Variants in WSB1 observed in about 807,000 individuals in gnomAD.
WSB1 encodes WD repeat and SOCS box-containing protein 1.
A neutral mutation model predicts 50.2 loss-of-function variants in WSB1; 23 were observed. The observed-to-expected ratio is 0.46, with a 90% confidence interval of 0.33 to 0.65. WSB1 has a LOEUF of 0.65. WSB1 is among the 30% of genes least tolerant of loss of function. WSB1 has a pLI of 0.02. For synonymous variants in WSB1, 179 were observed against 172.0 expected (o/e 1.04, Z -0.32); for missense variants, 492 against 522.3 (o/e 0.94, Z 0.56).
chr17:27,308,229 A>C, intron 5 of WSB1: 1 of 986,296 alleles, frequency 1.0e-6, no homozygotes, highest in Non-Finnish European at 1.2e-6. Flanking sequence ...ACCAAAAAGG[A>C]TTGCTTTACT....
In WSB1 at chr17:27,302,853, G is replaced by GT. The variant is rs540711391; in HGVS notation, c.210-506dup. ...CATGTGCTATATTGGATCTTTCCCT[G>GT]TTTTTTTTGTGTCTAGCAGACCTTC... is the stretch of plus-strand genomic sequence containing the variant. On this transcript the variant is annotated intron_variant, in intron 2 of 8. Transcript: ENST00000262394. 8.7e-3 allele frequency: 1,328 copies of GT among 152,664 alleles called. 5 individuals carry two copies. The highest frequency in any genetic ancestry group is 0.01 in the Non-Finnish European group (719 of 68,540). The allele number at this position is 152,664 out of a possible 1,614,324, so 9.5% of individuals were successfully genotyped here. A position where few individuals can be genotyped will look rare whatever the true frequency, so the allele number is the denominator to read the frequency against.
chr17:27,307,647 T>C (rs1408050138), intron 5 of WSB1: 6 of 1,245,120 alleles, frequency 4.8e-6, no homozygotes, highest in Non-Finnish European at 6.7e-6. Flanking sequence ...ATACTCAGTT[T>C]AGTTCTTTAC....
At chr17:27,299,248 C>T (rs1051503282) in intron 1 of WSB1, among the ~76,000 whole-genome samples, 1 of 152,170 alleles carries the variant, frequency 6.6e-6, no homozygotes, top group African/African-American at 2.4e-5. Flanking sequence ...ATGTGGCTCA[C>T]ATCTGTAATC....
intron 1 of WSB1, among the ~76,000 whole-genome samples, chr17:27,298,222 T>A (rs1296794222): frequency 6.6e-6 from 1 of 151,776 alleles, no homozygotes; most frequent in Non-Finnish European, 1.5e-5. Context: ...ATTTACTAGA[T>A]GTTCTTGAAA....
intron 1 of WSB1, 133 bp downstream of exon 1, chr17:27,294,568 G>T: frequency 7.7e-7 from 1 of 1,305,548 alleles, no homozygotes; most frequent in Non-Finnish European, 1.1e-6. Context: ...CACTAGCGAG[G>T]AGGAGGAAGC....
Position 27,315,172 on chromosome 17 carries a change from CGTT to C in WSB1, c.*2805_*2807del, listed in dbSNP as rs2017807274. 2 of 152,126 alleles carry C rather than the reference CGTT, an allele frequency of 1.3e-5. No individual in the cohort carries two copies. The highest frequency in any genetic ancestry group is 6.6e-5 in the Admixed American group (1 of 15,264). The allele number at this position is 152,126 out of a possible 1,614,324, so 9.4% of individuals were successfully genotyped here. On this transcript the variant is annotated 3_prime_UTR_variant, in exon 9 of 9. Transcript: ENST00000262394. The stretch of plus-strand genomic sequence containing the variant: ...AAGGACCAAAGGAAAATAGGGAAGA[CGTT>C]GATTATGGACTTGGATCAGATTCTA...
intron 5 of WSB1, chr17:27,307,107 A>C: frequency 1.9e-6 from 1 of 513,718 alleles, no homozygotes; most frequent in Non-Finnish European, 3.4e-6. Context: ...AATAATGGGC[A>C]TATCAGGGTT....
chr17:27,302,658 T>A lies in WSB1; in HGVS notation c.209+702T>A, dbSNP rs577261395. The A allele has an allele frequency of 2.0e-5, 3 of 152,134 alleles. No homozygotes were observed. In the East Asian group the frequency reaches 5.8e-4, roughly 29 times the overall value. 9.4% of individuals were successfully genotyped at this position (152,134 alleles called of 1,614,324 possible). On this transcript the variant is annotated intron_variant, in intron 2 of 8. Coordinates refer to ENST00000262394, the MANE Select transcript of WSB1 (RefSeq NM_015626.10). The stretch of plus-strand genomic sequence containing the variant: ...CAGGCTGGTCTCGAACTCCTGACTT[T>A]AGGTGATCCACCCTCCTCAGCCTCC...
intron 5 of WSB1, chr17:27,308,587 T>G (rs2017550872): frequency 1.0e-6 from 1 of 985,820 alleles, no homozygotes; most frequent in Non-Finnish European, 1.2e-6. Flanking sequence ...GCTTGCAGTA[T>G]CTGTTTCTCT....
At chr17:27,310,601 G>A (rs1265994900) in intron 7 of WSB1, among the ~76,000 whole-genome samples, 1 of 152,224 alleles carries the variant, frequency 6.6e-6, no homozygotes, top group Admixed American at 6.5e-5. Context: ...TTGTTGGTAA[G>A]AAGCAGAAAC....
At chr17:27,298,278 T>C (rs2017073354) in intron 1 of WSB1, among the ~76,000 whole-genome samples, 2 of 152,126 alleles carry the variant, frequency 1.3e-5, no homozygotes, top group Non-Finnish European at 2.9e-5. Flanking sequence ...ATAAATATTC[T>C]CCATAGAGAC....
chr17:27,303,628 A>G lies in WSB1; in HGVS notation c.471A>G (p.Val157=), dbSNP rs375189146. 7 of 1,613,786 alleles carry G rather than the reference A, an allele frequency of 4.3e-6. No individual in the cohort carries two copies. Among genetic ancestry groups the G allele is most frequent in the Admixed American group, 3.3e-5 (2 of 59,980 alleles). The change falls in exon 3 of 9, where the codon GTA becomes GTG. Residue 157 remains valine (V), a synonymous_variant. Coordinates refer to ENST00000262394, the MANE Select transcript of WSB1 (RefSeq NM_015626.10). ...ATGGGCGTATCAAAATATGGGATGT[A>G]TATACAGGTATGGATTCATAGTTTT... ...LNNGRIKIWD[V]YTGKLLLNLV...
intron 1 of WSB1, among the ~76,000 whole-genome samples, chr17:27,301,158 G>A (rs1471772168): frequency 1.3e-5 from 2 of 152,202 alleles, no homozygotes; most frequent in African/African-American, 2.4e-5. Context: ...ACAGGTGTGA[G>A]CAACCACACG....
intron 4 of WSB1, among the ~76,000 whole-genome samples, chr17:27,306,216 T>TC (rs1279119955): frequency 7.2e-6 from 1 of 139,090 alleles, no homozygotes; most frequent in East Asian, 2.0e-4. Context: ...TTTTTTTTTT[T>TC]TTTTTTTTTT....
chr17:27,304,639 G>C (rs2017372446), intron 3 of WSB1, 141 bp from the exon 4 acceptor site: 1 of 635,228 alleles, frequency 1.6e-6, no homozygotes, highest in East Asian at 3.4e-5. Context: ...TTGAACCCAG[G>C]AGGTCGAGGC....
intron 2 of WSB1, chr17:27,302,914 C>T (rs998468628): frequency 6.2e-6 from 1 of 160,242 alleles, no homozygotes; most frequent in Non-Finnish European, 1.4e-5. Context: ...TTACATATAA[C>T]TTGAGGTCTG....
rs534396820 is a variant in WSB1 at position 27,303,215 on chromosome 17, A to T, written c.210-152A>T. 36 of 842,104 alleles carry T rather than the reference A, an allele frequency of 4.3e-5. No homozygotes were observed. In the East Asian group the frequency reaches 9.3e-4, roughly 22 times the overall value. 52.2% of individuals were successfully genotyped at this position (842,104 alleles called of 1,614,324 possible). On this transcript the variant is annotated intron_variant, in intron 2 of 8. Transcript: ENST00000262394. ...TCCTTCTCTCGTAGTTCAAATATCA[A>T]CCTTTCCCTTCCTATCTATAGGATT...
chr17:27,304,666 T>G (rs944253119), intron 3 of WSB1, 114 bp from the exon 4 acceptor site: 10 of 1,030,260 alleles, frequency 9.7e-6, no homozygotes, highest in South Asian at 3.4e-5. Context: ...GAGCCAAGAT[T>G]ACGCCATTGC....
At chr17:27,295,709 T>C (rs2016931210) in intron 1 of WSB1, among the ~76,000 whole-genome samples, 1 of 152,224 alleles carries the variant, frequency 6.6e-6, no homozygotes, top group South Asian at 2.1e-4. Flanking sequence ...TTCTTATCAG[T>C]CCAGTGGGTT....
Sources: allele counts gnomAD v4.1 joint callset (sites outside exome capture counted in the v4.1 genomes callset), GRCh38; gene constraint gnomAD v4.1.1; transcripts MANE v1.5; gene names NCBI Gene and HGNC (gene_info 2026-07-23, HGNC 2026-07-21).